MGMT: variants seen among roughly 807,000 people sequenced by gnomAD.
The protein encoded by MGMT is methylated-DNA--protein-cysteine methyltransferase.
In MGMT, 14 loss-of-function variants were observed where a neutral mutation model predicts 15.9. The ratio of observed to expected loss-of-function variants is 0.88; its 90% CI spans 0.58 to 1.37. The LOEUF (loss-of-function observed/expected upper bound fraction) is 1.37, where lower values mean the gene tolerates loss of function less well. MGMT is among the 40% of genes most tolerant of loss of function. The pLI, the probability that MGMT is intolerant of heterozygous loss-of-function variation, is 0.00. For missense variants in MGMT, 282 were observed against 268.1 expected, an observed-to-expected ratio of 1.05 and a Z score of -0.36; for synonymous variants, 130 against 118.2, an observed-to-expected ratio of 1.10 and a Z score of -0.65.
intron 1 of MGMT, among the ~76,000 whole-genome samples, chr10:129,531,224 T>G (rs1845927886): frequency 6.6e-6 from 1 of 152,090 alleles, no homozygotes; most frequent in South Asian, 2.1e-4. Context: ...TCTTCCTGGG[T>G]CTGGGGCATG....
intron 2 of MGMT, among the ~76,000 whole-genome samples, chr10:129,543,146 A>G (rs1430112582): frequency 3.3e-5 from 5 of 152,224 alleles, no homozygotes; most frequent in Admixed American, 6.5e-5. Flanking sequence ...CCCCGGACAC[A>G]CAGTGCTGCA....
chr10:129,480,467 C>G (rs1038344734), intron 1 of MGMT, among the ~76,000 whole-genome samples: 2 of 152,196 alleles, frequency 1.3e-5, no homozygotes, highest in African/African-American at 4.8e-5. Context: ...ATTGATGTTT[C>G]CTAATACAGT....
chr10:129,522,290 A>G (rs962926499), intron 1 of MGMT, among the ~76,000 whole-genome samples: 1 of 152,110 alleles, frequency 6.6e-6, no homozygotes, highest in Non-Finnish European at 1.5e-5. Context: ...AGGCTGGGAG[A>G]GGAGGGGCTT....
intron 2 of MGMT, among the ~76,000 whole-genome samples, chr10:129,551,725 G>A (rs552392784): frequency 6.4e-4 from 97 of 152,168 alleles, no homozygotes; most frequent in Non-Finnish European, 1.0e-3. Flanking sequence ...CCCACCACTG[G>A]GTGCAGTGAT....
At chr10:129,597,927 G>A (rs968858392) in intron 2 of MGMT, among the ~76,000 whole-genome samples, 3 of 152,174 alleles carry the variant, frequency 2.0e-5, no homozygotes, top group South Asian at 2.1e-4. Flanking sequence ...TGGCATTGAC[G>A]TATTCTGTGT....
chr10:129,484,577 C>T (rs1251320508), intron 1 of MGMT, among the ~76,000 whole-genome samples: 1 of 152,136 alleles, frequency 6.6e-6, no homozygotes, highest in East Asian at 1.9e-4. Context: ...TTACGCATCT[C>T]TACTTTTCTG....
At chr10:129,511,449 A>C (rs1260828480) in intron 1 of MGMT, among the ~76,000 whole-genome samples, 1 of 147,440 alleles carries the variant, frequency 6.8e-6, no homozygotes, top group South Asian at 2.2e-4. Context: ...CACATGCTTC[A>C]TGTGATGGGA....
At chr10:129,623,337 A>G (rs555805451) in intron 2 of MGMT, among the ~76,000 whole-genome samples, 2 of 152,242 alleles carry the variant, frequency 1.3e-5, no homozygotes, top group African/African-American at 4.8e-5. Flanking sequence ...GTTGGGGAAG[A>G]TGCCAAGTGG....
chr10:129,643,897 T>G (rs1325368217), intron 2 of MGMT, among the ~76,000 whole-genome samples: 1 of 152,222 alleles, frequency 6.6e-6, no homozygotes, highest in African/African-American at 2.4e-5. Flanking sequence ...GATGGTAACC[T>G]GGCTTGAGGT....
At chr10:129,587,122 G>A (rs1200689315) in intron 2 of MGMT, among the ~76,000 whole-genome samples, 1 of 152,004 alleles carries the variant, frequency 6.6e-6, no homozygotes, top group Non-Finnish European at 1.5e-5. Context: ...CTTCATGTAT[G>A]TGGAGCATTT....
Position 129,490,503 on chromosome 10 carries a change from AT to A in MGMT, c.-13+23209del, listed in dbSNP as rs372672898. Among the ~76,000 whole-genome samples the A allele has an allele frequency of 0.034, 53 of 1,572 alleles. No homozygotes were observed. The East Asian group carries it at 0.42, about 12-fold the overall frequency. 1.0% of individuals were successfully genotyped at this position (1,572 alleles called of 152,430 possible). ...TTAAGGTTATTTATTCTTTATTGTT[AT>A]TAAGATTATTCTTTTTTAAAAACTG... On this transcript the variant is annotated intron_variant, in intron 1 of 4. Coordinates refer to ENST00000651593, the MANE Select transcript of MGMT (RefSeq NM_002412.5).
In MGMT at chr10:129,731,832, C is replaced by A. The variant is rs529608433; in HGVS notation, c.274+23789C>A. Among the ~76,000 whole-genome samples, 584 of 152,280 alleles carry A rather than the reference C, an allele frequency of 3.8e-3. 5 individuals carry two copies. Among genetic ancestry groups the A allele is most frequent in the Non-Finnish European group, 5.9e-3 (399 of 68,022 alleles). On this transcript the variant is annotated intron_variant, in intron 3 of 4. Coordinates refer to ENST00000651593, the MANE Select transcript of MGMT (RefSeq NM_002412.5). ...AGAGTGGCACTGTTGTCCATTTTTG[C>A]AGAATGGAATGCCTTGATGCCTGCC...
chr10:129,757,620 C>CTTGCT (rs1282946586), intron 3 of MGMT, among the ~76,000 whole-genome samples: 2 of 152,192 alleles, frequency 1.3e-5, no homozygotes, highest in African/African-American at 2.4e-5. Flanking sequence ...AGCAGGCTAC[C>CTTGCT]TTGCTTTGCT....
intron 2 of MGMT, among the ~76,000 whole-genome samples, chr10:129,591,623 G>A (rs760223075): frequency 1.3e-4 from 20 of 152,278 alleles, no homozygotes; most frequent in Non-Finnish European, 2.6e-4. Context: ...GGTGGTGGAC[G>A]GTGTTTTATT....
In MGMT at chr10:129,479,137, A is replaced by G. The variant is rs550177496; in HGVS notation, c.-13+11841A>G. ...ATCTGAAGTGTATGATTAGTTTTAT[A>G]TAATTATTGTGATATGTAGTGTTCC... On this transcript the variant is annotated intron_variant, in intron 1 of 4. Transcript: ENST00000651593. 2.0e-5 allele frequency among the ~76,000 whole-genome samples: 3 copies of G among 152,326 alleles called. No homozygotes were observed. In the South Asian group the frequency reaches 6.2e-4, roughly 32 times the overall value.
intron 1 of MGMT, among the ~76,000 whole-genome samples, chr10:129,471,484 A>G (rs1436120822): frequency 6.6e-6 from 1 of 152,138 alleles, no homozygotes; most frequent in Non-Finnish European, 1.5e-5. Context: ...TATCATGTTC[A>G]GGTGTCTCTC....
intron 2 of MGMT, among the ~76,000 whole-genome samples, chr10:129,689,894 A>G (rs530288885): frequency 6.6e-6 from 1 of 152,370 alleles, no homozygotes; most frequent in South Asian, 2.1e-4. Context: ...TGATAAAACT[A>G]AAACTGCGTA....
At chr10:129,541,160 G>A (rs1019454240) in intron 2 of MGMT, among the ~76,000 whole-genome samples, 2 of 152,250 alleles carry the variant, frequency 1.3e-5, no homozygotes, top group African/African-American at 4.8e-5. Context: ...CCACTTACCT[G>A]TGTGTGGCTT....
At chr10:129,703,540 C>T (rs1043673998) in intron 2 of MGMT, among the ~76,000 whole-genome samples, 1 of 152,168 alleles carries the variant, frequency 6.6e-6, no homozygotes, top group Non-Finnish European at 1.5e-5. Context: ...AGCCAGACCC[C>T]GCTAGTCCTG....
Sources: gnomAD v4.1 joint callset for allele counts (sites outside exome capture counted in the v4.1 genomes callset) on GRCh38, gnomAD v4.1.1 for gene constraint, MANE v1.5 for transcripts, NCBI Gene and HGNC (gene_info 2026-07-23, HGNC 2026-07-21) for gene names.